The following TET3 variants were observed in gnomAD, a reference collection of about 807,000 sequenced individuals.
TET3 encodes methylcytosine dioxygenase TET3.
In TET3, 19 loss-of-function variants were observed where a neutral mutation model predicts 141.4. The ratio of observed to expected loss-of-function variants is 0.13; its 90% CI spans 0.09 to 0.20. The LOEUF (loss-of-function observed/expected upper bound fraction) is 0.20. TET3 is among the 10% of genes least tolerant of loss of function. The pLI, the probability that TET3 is intolerant of heterozygous loss-of-function variation, is 1.00. For synonymous variants in TET3, 1,043 were observed against 980.9 expected, an observed-to-expected ratio of 1.06 and a Z score of -1.18; for missense variants, 1,874 against 2,356.9, an observed-to-expected ratio of 0.80 and a Z score of 4.24.
chr2:74,092,963 G>T lies in TET3; in HGVS notation c.3101G>T (p.Arg1034Leu). Residue 1034 changes from arginine (R) to leucine (L), a missense_variant, in exon 9 of 12, where the codon CGA becomes CTA. Coordinates refer to ENST00000409262, the MANE Select transcript of TET3 (RefSeq NM_001287491.2). ...ACCGAAGTCGCTCCCCTGTACAAGC[G>T]ACTGGCCCCTCAGGCCTATCAGAAC... ...LATEVAPLYK[R>L]LAPQAYQNQV... The T allele has an allele frequency of 6.3e-7, 1 of 1,581,306 alleles. No individual in the cohort carries two copies. The highest frequency in any genetic ancestry group is 1.2e-5 in the South Asian group (1 of 86,080).
intron 3 of TET3, among the ~76,000 whole-genome samples, chr2:74,009,503 A>C (rs764272061): frequency 6.6e-6 from 1 of 152,210 alleles, no homozygotes; most frequent in Non-Finnish European, 1.5e-5. Context: ...CACCACATGG[A>C]TCATTATTGC....
At chr2:74,041,083 T>G (rs892780507) in intron 3 of TET3, among the ~76,000 whole-genome samples, 2 of 152,174 alleles carry the variant, frequency 1.3e-5, no homozygotes, top group African/African-American at 2.4e-5. Flanking sequence ...AGCTGCTTGC[T>G]TTTCTTTTCC....
In TET3 at chr2:74,033,102, C is replaced by G. The variant is rs1686843353; in HGVS notation, c.361-13176C>G. ...TACCCAGAAATTTTCCCTGACTGCTCCCTTCTCGTCTCGTTCACAGACATG... is the reference window on the plus strand; with the variant it reads ...TACCCAGAAATTTTCCCTGACTGCTGCCTTCTCGTCTCGTTCACAGACATG... On this transcript the variant is annotated intron_variant, in intron 3 of 11. Coordinates refer to ENST00000409262, the MANE Select transcript of TET3 (RefSeq NM_001287491.2). 2.6e-5 allele frequency among the ~76,000 whole-genome samples: 4 copies of G among 152,320 alleles called. 1 individual carries two copies. The South Asian group carries it at 8.3e-4, about 32-fold the overall frequency.
intron 3 of TET3, among the ~76,000 whole-genome samples, chr2:74,007,350 T>G (rs1222811011): frequency 6.6e-6 from 1 of 152,222 alleles, no homozygotes; most frequent in Non-Finnish European, 1.5e-5. Flanking sequence ...AAGTTTGTTT[T>G]CAATTAAGTC....
upstream of TET3, among the ~76,000 whole-genome samples, chr2:73,984,802 G>T (rs1683911780): frequency 6.8e-6 from 1 of 147,918 alleles, no homozygotes; most frequent in South Asian, 2.1e-4. This position sits in a 1 kb window ranked among gnomAD's most constrained non-coding sequence, Gnocchi z 5.6. Flanking sequence ...CCTCTCGCCC[G>T]GCCCGGGGCC....
At chr2:74,108,863 C>T (rs1293919134), downstream of TET3, among the ~76,000 whole-genome samples, 1 of 152,108 alleles carries the variant, frequency 6.6e-6, no homozygotes, top group African/African-American at 2.4e-5. Flanking sequence ...TCCCAACATC[C>T]CAAGTCACTC....
rs1014548507 is a variant in TET3 at position 74,047,426 on chromosome 2, A to G, written c.1509A>G (p.Pro503=). ...EAPSSSPAPA[P]SPVLQREAPT... ...CCTCTTCCTCCCCGGCCCCGGCCCC[A>G]TCCCCTGTACTTCAGAGGGAGGCTC... is the stretch of plus-strand genomic sequence containing the variant. Residue 503 remains proline, a synonymous_variant, in exon 4 of 12, where the codon CCA becomes CCG. Transcript: ENST00000409262. 23 of 1,612,624 alleles carry G rather than the reference A, an allele frequency of 1.4e-5. No individual in the cohort carries two copies. The highest frequency in any genetic ancestry group is 1.9e-5 in the Non-Finnish European group (23 of 1,179,674).
chr2:74,062,467 T>G (rs1688648084), intron 4 of TET3, among the ~76,000 whole-genome samples: 1 of 152,248 alleles, frequency 6.6e-6, no homozygotes, highest in African/African-American at 2.4e-5. Context: ...ATTTTTATGT[T>G]AAACATCTTA....
chr2:74,082,062 A>G (rs1048774501), intron 6 of TET3, among the ~76,000 whole-genome samples: 1 of 151,580 alleles, frequency 6.6e-6, no homozygotes, highest in African/African-American at 2.4e-5. Context: ...TCTCCTGCTA[A>G]TTCATGCAGT....
intron 4 of TET3, among the ~76,000 whole-genome samples, chr2:74,062,345 G>C (rs910639925): frequency 2.0e-5 from 3 of 152,240 alleles, no homozygotes; most frequent in African/African-American, 7.2e-5. Flanking sequence ...GGAAGTTGTA[G>C]TATGGAGAGG....
At position 74,106,283 on chromosome 2, in the gene TET3, T is replaced by C. The variant is rs1691501572; in HGVS notation, c.*4107T>C. 2 of 152,204 alleles carry C rather than the reference T, an allele frequency of 1.3e-5. No individual in the cohort carries two copies. The highest frequency in any genetic ancestry group is 4.1e-4 in the South Asian group (2 of 4,822). The allele number at this position is 152,204 out of a possible 1,614,324, so 9.4% of individuals were successfully genotyped here. On this transcript the variant is annotated 3_prime_UTR_variant, in exon 12 of 12. Transcript: ENST00000409262. ...GCCTGGCTTGGCAGGTGCTTTTTGGTTCCACACCTGTCTTCTCAGGCTTGA... is the reference window on the plus strand; with the variant it reads ...GCCTGGCTTGGCAGGTGCTTTTTGGCTCCACACCTGTCTTCTCAGGCTTGA...
At position 74,080,486 on chromosome 2, in the gene TET3, C is replaced by T; in HGVS notation, c.2586-12C>T. The stretch of plus-strand genomic sequence containing the variant: ...CTGCTGTGCTAATGGTGGCTTCTGT[C>T]TCCCTCTTCAGGTATGGAGAGAAGG... On this transcript the variant is annotated splice_polypyrimidine_tract_variant and intron_variant, in intron 5 of 11. Coordinates refer to ENST00000409262, the MANE Select transcript of TET3 (RefSeq NM_001287491.2). 6.2e-7 allele frequency: 1 copy of T among 1,610,210 alleles called. No homozygotes were observed. Among genetic ancestry groups the T allele is most frequent in the Non-Finnish European group, 8.5e-7 (1 of 1,178,008 alleles).
chr2:74,090,067 G>T lies in TET3; in HGVS notation c.3039+20G>T. 2 of 1,611,540 alleles carry T rather than the reference G, an allele frequency of 1.2e-6. No individual in the cohort carries two copies. The highest frequency in any genetic ancestry group is 1.7e-6 in the Non-Finnish European group (2 of 1,178,156). On this transcript the variant is annotated intron_variant, in intron 8 of 11. Coordinates refer to ENST00000409262, the MANE Select transcript of TET3 (RefSeq NM_001287491.2). The stretch of plus-strand genomic sequence containing the variant: ...AAAGAGGTGAGCAGAGCTGGGCGGG[G>T]ACCCTGCCTCCCATCCTTTCTCGCC...
chr2:74,076,441 G>GTTT lies in TET3; in HGVS notation c.2585+2829_2585+2831dup, dbSNP rs70965785. Among the ~76,000 whole-genome samples the GTTT allele has an allele frequency of 1.4e-4, 8 of 56,586 alleles. 1 individual carries two copies. Among genetic ancestry groups the GTTT allele is most frequent in the South Asian group, 1.0e-3 (1 of 990 alleles). The allele number at this position is 56,586 out of a possible 152,430, so 37.1% of individuals were successfully genotyped here. On this transcript the variant is annotated intron_variant, in intron 5 of 11. Transcript: ENST00000409262. Reference sequence around the variant, plus strand: ...AACCTATTCAGGTTCATTCCTCTGGGTTTTTTTTTTTTTTTTTTTTTTTTT... The same window carrying GTTT: ...AACCTATTCAGGTTCATTCCTCTGGGTTTTTTTTTTTTTTTTTTTTTTTTTTTT...
intron 3 of TET3, among the ~76,000 whole-genome samples, chr2:74,036,091 A>C (rs2105315389): frequency 6.6e-6 from 1 of 152,330 alleles, no homozygotes; most frequent in South Asian, 2.1e-4. Flanking sequence ...CTTACTATGT[A>C]CCTGGTACTG....
intron 4 of TET3, among the ~76,000 whole-genome samples, chr2:74,057,541 A>G (rs1196379602): frequency 6.6e-6 from 1 of 152,174 alleles, no homozygotes; most frequent in Non-Finnish European, 1.5e-5. Flanking sequence ...AATTCTGCCC[A>G]CTCTATTTTT....
chr2:74,041,659 G>A (rs922146725), intron 3 of TET3, among the ~76,000 whole-genome samples: 1 of 152,218 alleles, frequency 6.6e-6, no homozygotes, highest in African/African-American at 2.4e-5. Context: ...ATGGATCACA[G>A]CATAAAATGT....
chr2:74,011,227 CAAAAAAAAA>C (rs34155044), intron 3 of TET3, among the ~76,000 whole-genome samples: 49 of 94,400 alleles, frequency 5.2e-4, no homozygotes, highest in Middle Eastern at 0.013. Flanking sequence ...GACTCCGTTT[CAAAAAAAAA>C]AAAAAAAAAA....
At chr2:74,020,117 T>C (rs1685956633) in intron 3 of TET3, among the ~76,000 whole-genome samples, 1 of 152,112 alleles carries the variant, frequency 6.6e-6, no homozygotes, top group Non-Finnish European at 1.5e-5. Flanking sequence ...AGTATATGCA[T>C]CCCCCCAACC....
Sources: gnomAD v4.1 joint callset for allele counts (sites outside exome capture counted in the v4.1 genomes callset) on GRCh38, gnomAD v4.1.1 for gene constraint, Gnocchi (gnomAD v3.1) non-coding constraint, MANE v1.5 for transcripts, NCBI Gene and HGNC (gene_info 2026-07-23, HGNC 2026-07-21) for gene names.